Variants in CABIN1 observed in about 807,000 individuals in gnomAD.
CABIN1 encodes calcineurin binding protein 1.
A neutral mutation model predicts 227.7 loss-of-function variants in CABIN1; 133 were observed. The observed-to-expected ratio is 0.58, with a 90% CI of 0.51 to 0.67. The LOEUF (loss-of-function observed/expected upper bound fraction) is 0.67. Ranked by LOEUF, CABIN1 falls within the 30% of genes least tolerant of loss-of-function variation. The pLI is 0.00. For synonymous variants in CABIN1, 1,086 were observed against 1,155.1 expected (o/e 0.94, Z 1.21); for missense variants, 2,408 against 2,852.5 (o/e 0.84, Z 3.55).
intron 27 of CABIN1, among the ~76,000 whole-genome samples, chr22:24,115,367 G>T (rs181403141): frequency 6.6e-6 from 1 of 152,184 alleles, no homozygotes; most frequent in African/African-American, 2.4e-5. Flanking sequence ...TAGAGCCAGT[G>T]GTTTAAGCAG....
chr22:24,015,262 T>G (rs1398807812), intron 1 of CABIN1, among the ~76,000 whole-genome samples: 1 of 71,254 alleles, frequency 1.4e-5, no homozygotes, highest in African/African-American at 6.3e-5. Flanking sequence ...CGAGTGAGAA[T>G]CCATCTCCAA....
At chr22:24,100,768 C>T (rs2042157555) in intron 26 of CABIN1, among the ~76,000 whole-genome samples, 1 of 152,234 alleles carries the variant, frequency 6.6e-6, no homozygotes. Flanking sequence ...CCAGTCCCAG[C>T]TCCATTGCAT....
At position 24,166,976 on chromosome 22, in the gene CABIN1, G is replaced by A. The variant is rs199777305; in HGVS notation, c.5345G>A (p.Gly1782Asp). Residue 1782 changes from glycine to aspartate, a missense_variant, in exon 32 of 37, where the codon GGT (glycine) becomes GAT (aspartate). Transcript: ENST00000263119. ...DLERTPPLLP[G>D]RPARDRGPES... is the part of the protein sequence containing the mutation. The stretch of plus-strand genomic sequence containing the variant: ...GAGCGGACACCACCCCTGCTGCCAG[G>A]TCGCCCCGCAAGGGACCGGGGCCCC... The A allele has an allele frequency of 6.3e-4, 992 of 1,583,148 alleles. No individual in the cohort carries two copies. The highest frequency in any genetic ancestry group is 7.8e-4 in the Non-Finnish European group (904 of 1,165,404).
intron 29 of CABIN1, among the ~76,000 whole-genome samples, chr22:24,152,484 A>G (rs1016494819): frequency 9.2e-5 from 14 of 152,124 alleles, no homozygotes; most frequent in Non-Finnish European, 1.9e-4. Flanking sequence ...CTCTGCTGTC[A>G]CACTCTAGGT....
At chr22:24,075,250 A>T (rs1292144102) in intron 18 of CABIN1, among the ~76,000 whole-genome samples, 1 of 152,172 alleles carries the variant, frequency 6.6e-6, no homozygotes, top group Non-Finnish European at 1.5e-5. Context: ...GAAAGTTATT[A>T]CTAGTGGCTT....
At chr22:24,150,025 A>C (rs1342242972) in intron 29 of CABIN1, among the ~76,000 whole-genome samples, 1 of 152,194 alleles carries the variant, frequency 6.6e-6, no homozygotes, top group African/African-American at 2.4e-5. Context: ...GCACCAAAAG[A>C]GGCTGCGTTG....
At chr22:24,149,359 A>G (rs1381126052) in intron 29 of CABIN1, among the ~76,000 whole-genome samples, 1 of 152,206 alleles carries the variant, frequency 6.6e-6, no homozygotes, top group Non-Finnish European at 1.5e-5. Flanking sequence ...TCACGTGAGA[A>G]CACTCTGGGA....
intron 1 of CABIN1, among the ~76,000 whole-genome samples, chr22:24,017,591 T>C (rs2035396272): frequency 6.6e-6 from 1 of 152,252 alleles, no homozygotes; most frequent in Non-Finnish European, 1.5e-5. Context: ...TTTGTCTTTT[T>C]ATGACTGGCT....
chr22:24,064,060 A>G lies in CABIN1; in HGVS notation c.1910A>G (p.Asn637Ser), dbSNP rs775319841. ...GGAGACATGGAGCAGGCCCTGGAGAACTATGACATCTGCACAGAAATGCTC... is the reference window on the plus strand; with the variant it reads ...GGAGACATGGAGCAGGCCCTGGAGAGCTATGACATCTGCACAGAAATGCTC... ...LQGDMEQALE[N>S]YDICTEMLQS... Residue 637 changes from asparagine to serine, a missense_variant, in exon 15 of 37, where the codon AAC becomes AGC. Physicochemically the swap from Asn to Ser is conservative, Grantham distance 46. Coordinates refer to ENST00000263119, the MANE Select transcript of CABIN1 (RefSeq NM_012295.4). 1 of 1,614,204 alleles carries G rather than the reference A, an allele frequency of 6.2e-7. No individual in the cohort carries two copies. Among genetic ancestry groups the G allele is most frequent in the Non-Finnish European group, 8.5e-7 (1 of 1,180,028 alleles).
At chr22:24,125,502 GTGAGGGCCTGCTGT>G (rs2043666291) in intron 28 of CABIN1, among the ~76,000 whole-genome samples, 1 of 152,354 alleles carries the variant, frequency 6.6e-6, no homozygotes, top group South Asian at 2.1e-4. Context: ...TGGAGCAGGT[GTGAGGGCCTGCTGT>G]TGAGACCCTG....
intron 25 of CABIN1, among the ~76,000 whole-genome samples, 175 bp from the exon 26 acceptor site, chr22:24,097,839 T>C (rs1047384048): frequency 9.2e-5 from 14 of 152,148 alleles, no homozygotes; most frequent in African/African-American, 3.4e-4. Flanking sequence ...CCAGAGCCTG[T>C]GTGGGTGCTG....
chr22:24,083,274 C>T lies in CABIN1; in HGVS notation c.2795C>T (p.Thr932Met), dbSNP rs372122646. The change falls in exon 20 of 37, where the codon ACG becomes ATG. Residue 932 changes from threonine (T) to methionine (M), a missense_variant. By Grantham distance (81) the Thr-to-Met change is moderately conservative. Transcript: ENST00000263119. ...KELAASTSED[T>M]HPYKEELETA... is the part of the protein sequence containing the mutation. ...CTGGCTGCATCCACCTCTGAAGACA[C>T]GCACCCTTACAAGGAGGAGCTGGAG... 2.6e-5 allele frequency: 42 copies of T among 1,613,092 alleles called. No individual in the cohort carries two copies. Among genetic ancestry groups the T allele is most frequent in the South Asian group, 4.4e-5 (4 of 91,036 alleles).
intron 26 of CABIN1, among the ~76,000 whole-genome samples, chr22:24,108,283 C>T (rs966471130): frequency 2.0e-5 from 3 of 152,222 alleles, no homozygotes; most frequent in African/African-American, 7.2e-5. Flanking sequence ...AATGACCCTG[C>T]GTGGCCTCTA....
At chr22:24,111,350 C>A (rs939914650) in intron 26 of CABIN1, among the ~76,000 whole-genome samples, 8 of 152,174 alleles carry the variant, frequency 5.3e-5, no homozygotes, top group African/African-American at 1.9e-4. Context: ...GGCTGCACAG[C>A]AGGAGGTGAG....
intron 15 of CABIN1, among the ~76,000 whole-genome samples, chr22:24,065,574 G>A (rs2039577348): frequency 1.3e-5 from 2 of 152,170 alleles, no homozygotes; most frequent in Non-Finnish European, 2.9e-5. Context: ...CGGCCAGGCA[G>A]AGACGCTCCT....
chr22:24,024,570 T>G (rs1238114047), intron 1 of CABIN1, among the ~76,000 whole-genome samples: 1 of 152,234 alleles, frequency 6.6e-6, no homozygotes, highest in East Asian at 1.9e-4. Context: ...TAATTGGATT[T>G]GAGGAGTTTT....
intron 32 of CABIN1, among the ~76,000 whole-genome samples, 173 bp from the exon 33 acceptor site, chr22:24,168,274 C>A (rs550638512): frequency 6.6e-6 from 1 of 152,236 alleles, no homozygotes; most frequent in Non-Finnish European, 1.5e-5. Context: ...GGTCTAGATG[C>A]GGACAGCAGT....
intron 29 of CABIN1, among the ~76,000 whole-genome samples, chr22:24,160,671 G>T (rs2046099633): frequency 6.6e-6 from 1 of 152,266 alleles, no homozygotes; most frequent in Non-Finnish European, 1.5e-5. Flanking sequence ...ACCACAGTGT[G>T]CTGGAGACAG....
chr22:24,039,854 CTTAATG>C (rs1189130681), intron 4 of CABIN1, among the ~76,000 whole-genome samples: 5 of 152,224 alleles, frequency 3.3e-5, no homozygotes, highest in African/African-American at 1.2e-4. Flanking sequence ...CATTGGCATA[CTTAATG>C]TTAATTACAT....
Sources: gnomAD v4.1 joint callset for allele counts (sites outside exome capture counted in the v4.1 genomes callset) on GRCh38, gnomAD v4.1.1 for gene constraint, MANE v1.5 for transcripts, NCBI Gene and HGNC (gene_info 2026-07-23, HGNC 2026-07-21) for gene names.